Variants in TBC1D22A observed in about 807,000 individuals in gnomAD.
TBC1D22A encodes the protein TBC1 domain family member 22A, also known as putative GTPase activator.
A neutral mutation model predicts 60.2 loss-of-function variants in TBC1D22A; 38 were observed. That is an observed-to-expected ratio of 0.63 (90% CI 0.49 to 0.83). The LOEUF is 0.83. TBC1D22A is among the 40% of genes least tolerant of loss of function. TBC1D22A has a pLI of 0.00. For synonymous variants in TBC1D22A, 302 were observed against 281.7 expected, an observed-to-expected ratio of 1.07 and a Z score of -0.72; for missense variants, 628 against 701.0, an observed-to-expected ratio of 0.90 and a Z score of 1.18.
chr22:46,887,599 C>T (rs550108198), intron 5 of TBC1D22A, among the ~76,000 whole-genome samples: 35 of 152,168 alleles, frequency 2.3e-4, no homozygotes, highest in African/African-American at 6.5e-4. Context: ...TACTGTTACG[C>T]GTTATAACAT....
At chr22:47,145,063 C>G (rs534554526) in intron 12 of TBC1D22A, among the ~76,000 whole-genome samples, 1 of 152,224 alleles carries the variant, frequency 6.6e-6, no homozygotes, top group South Asian at 2.1e-4. Context: ...CCGGCTGCAG[C>G]GTTTTTCTGT....
intron 8 of TBC1D22A, among the ~76,000 whole-genome samples, chr22:46,969,236 C>T (rs998825950): frequency 6.6e-6 from 1 of 152,192 alleles, no homozygotes; most frequent in Non-Finnish European, 1.5e-5. Flanking sequence ...GCAGAAATAA[C>T]TGCTCATTGT....
Position 46,777,329 on chromosome 22 carries a change from C to T in TBC1D22A, c.62+14481C>T, listed in dbSNP as rs561380192. Among the ~76,000 whole-genome samples the T allele has an allele frequency of 2.4e-3, 360 of 152,192 alleles. 3 individuals carry two copies. The highest frequency in any genetic ancestry group is 0.014 in the South Asian group (68 of 4,826). ...TACGAGGCAGGGATGAGCACATTGT[C>T]TATTTTTGTGTGACTGGTAGAGAGT... On this transcript the variant is annotated intron_variant, in intron 1 of 12. Transcript: ENST00000337137. This position sits in a 1 kb window ranked among gnomAD's most constrained non-coding sequence, Gnocchi z 4.5.
At chr22:46,819,792 G>C (rs1236163376) in intron 4 of TBC1D22A, among the ~76,000 whole-genome samples, 2 of 152,176 alleles carry the variant, frequency 1.3e-5, no homozygotes, top group African/African-American at 2.4e-5. Flanking sequence ...CAATTGTTTG[G>C]AATAGTTTCA....
intron 9 of TBC1D22A, among the ~76,000 whole-genome samples, chr22:46,986,811 A>T (rs1357012773): frequency 6.6e-6 from 1 of 152,198 alleles, no homozygotes; most frequent in Non-Finnish European, 1.5e-5. Context: ...GGAGGCAGCC[A>T]TGCCTTTGTG....
At chr22:46,972,459 G>A (rs542603547) in intron 8 of TBC1D22A, among the ~76,000 whole-genome samples, 6 of 152,340 alleles carry the variant, frequency 3.9e-5, no homozygotes, top group South Asian at 4.1e-4. Context: ...CGGCTCAGTC[G>A]TGAAGAGGAG....
intron 11 of TBC1D22A, among the ~76,000 whole-genome samples, chr22:47,083,524 A>G (rs1017935605): frequency 3.9e-5 from 6 of 152,128 alleles, no homozygotes; most frequent in Non-Finnish European, 8.8e-5. Flanking sequence ...AGTGAGGCTG[A>G]GGGGAGAACC....
intron 11 of TBC1D22A, among the ~76,000 whole-genome samples, chr22:47,051,749 C>T (rs1305001246): frequency 2.6e-5 from 4 of 152,214 alleles, no homozygotes; most frequent in Non-Finnish European, 5.9e-5. Context: ...TCTCCAGCTC[C>T]CCTCCCTCCT....
chr22:46,913,527 A>G, intron 8 of TBC1D22A: 1 of 1,264,110 alleles, frequency 7.9e-7, no homozygotes, highest in Non-Finnish European at 1.0e-6. Flanking sequence ...CTAAGCAACT[A>G]ATGAGAGCTG....
chr22:47,154,905 C>T (rs1035908686), intron 12 of TBC1D22A, among the ~76,000 whole-genome samples: 3 of 152,218 alleles, frequency 2.0e-5, no homozygotes, highest in Non-Finnish European at 4.4e-5. Context: ...TAGATAAGCA[C>T]CTGACTGAGG....
rs531303851 is a variant in TBC1D22A at position 46,954,148 on chromosome 22, C to T, written c.1016-20142C>T. Among the ~76,000 whole-genome samples, 7 of 152,270 alleles carry T rather than the reference C, an allele frequency of 4.6e-5. No individual in the cohort carries two copies. In the South Asian group the frequency reaches 1.4e-3, roughly 32 times the overall value. The stretch of plus-strand genomic sequence containing the variant: ...CATAGGCACTAGAGTCAGACAGGTC[C>T]ACAGTAGCAAGTCCACAGGGCCCAT... On this transcript the variant is annotated intron_variant, in intron 8 of 12. Transcript: ENST00000337137.
chr22:47,151,637 C>T (rs1018352733), intron 12 of TBC1D22A, among the ~76,000 whole-genome samples: 6 of 152,278 alleles, frequency 3.9e-5, no homozygotes, highest in African/African-American at 1.4e-4. Flanking sequence ...GGCTGCTGAG[C>T]CAGGGCTTCT....
At chr22:46,949,660 G>A (rs989816000) in intron 8 of TBC1D22A, among the ~76,000 whole-genome samples, 5 of 152,214 alleles carry the variant, frequency 3.3e-5, no homozygotes, top group Non-Finnish European at 4.4e-5. Context: ...ATCTCTGCAC[G>A]CAGGGAACTT....
In TBC1D22A at chr22:47,119,450, T is replaced by G. The variant is rs1245879916; in HGVS notation, c.1425+7847T>G. On this transcript the variant is annotated intron_variant, in intron 12 of 12. Transcript: ENST00000337137. ...AGTTTCTCTCTCCACATATATGGAGTGTCTTAGTCCATTCCTGCTGTTATA... is the reference window on the plus strand; with the variant it reads ...AGTTTCTCTCTCCACATATATGGAGGGTCTTAGTCCATTCCTGCTGTTATA... Among the ~76,000 whole-genome samples, 4 of 152,046 alleles carry G rather than the reference T, an allele frequency of 2.6e-5. No individual in the cohort carries two copies. The East Asian group carries it at 7.7e-4, about 29-fold the overall frequency.
At chr22:46,830,227 A>T (rs1310596598) in intron 4 of TBC1D22A, among the ~76,000 whole-genome samples, 1 of 152,310 alleles carries the variant, frequency 6.6e-6, no homozygotes, top group South Asian at 2.1e-4. Flanking sequence ...GGCATGGTGG[A>T]TGGTCTGCTT....
At chr22:46,942,948 A>G (rs2072263715) in intron 8 of TBC1D22A, among the ~76,000 whole-genome samples, 1 of 152,198 alleles carries the variant, frequency 6.6e-6, no homozygotes, top group Non-Finnish European at 1.5e-5. Flanking sequence ...TGAAAGCAGA[A>G]CATGCTTGCA....
In TBC1D22A at chr22:46,940,965, G is replaced by A. The variant is rs540869241; in HGVS notation, c.1015+28777G>A. On this transcript the variant is annotated intron_variant, in intron 8 of 12. Transcript: ENST00000337137. ...GAACAGCATGGGGACTGAGGCACTA[G>A]AATATATATATATATGTATGTATGT... 3.6e-4 allele frequency among the ~76,000 whole-genome samples: 45 copies of A among 125,620 alleles called. No individual in the cohort carries two copies. The South Asian group carries it at 0.011, about 30-fold the overall frequency. The allele number at this position is 125,620 out of a possible 152,430, so 82.4% of individuals were successfully genotyped here.
chr22:46,945,269 A>G (rs2072461405), intron 8 of TBC1D22A, among the ~76,000 whole-genome samples: 1 of 152,198 alleles, frequency 6.6e-6, no homozygotes, highest in South Asian at 2.1e-4. Flanking sequence ...AATTTATTGT[A>G]TTCATTCACT....
At chr22:46,939,855 G>A (rs1290332031) in intron 8 of TBC1D22A, among the ~76,000 whole-genome samples, 1 of 152,224 alleles carries the variant, frequency 6.6e-6, no homozygotes, top group Non-Finnish European at 1.5e-5. Context: ...AGTGACAAGA[G>A]GGGACCTATG....
Sources: gnomAD v4.1 joint callset for allele counts (sites outside exome capture counted in the v4.1 genomes callset) on GRCh38, gnomAD v4.1.1 for gene constraint, Gnocchi (gnomAD v3.1) non-coding constraint, MANE v1.5 for transcripts, NCBI Gene and HGNC (gene_info 2026-07-23, HGNC 2026-07-21) for gene names.